MAST4: variants seen among roughly 807,000 people sequenced by gnomAD.
The protein encoded by MAST4 is microtubule associated serine/threonine kinase family member 4.
A neutral mutation model predicts 162.7 loss-of-function variants in MAST4; 89 were observed. That is an observed-to-expected ratio of 0.55 (90% confidence interval 0.46 to 0.65). The LOEUF (loss-of-function observed/expected upper bound fraction) is 0.65. Ranked by LOEUF, MAST4 falls within the 30% of genes least tolerant of loss-of-function variation. The pLI is 0.00. For missense variants in MAST4, 3,153 were observed against 3,374.0 expected (o/e 0.93, Z 1.62); for synonymous variants, 1,479 against 1,361.1 (o/e 1.09, Z -1.91).
Position 67,152,707 on chromosome 5 carries a change from A to ACGAGATTCCTCTCCCAGC in MAST4, c.3378_3395dup (p.Pro1127_Ser1132dup), listed in dbSNP as rs1315685136. 4 of 1,613,982 alleles carry ACGAGATTCCTCTCCCAGC rather than the reference A, an allele frequency of 2.5e-6. No homozygotes were observed. The highest frequency in any genetic ancestry group is 4.5e-5 in the East Asian group (2 of 44,876). ...CCCTGTCCTCGGACCCTTCTTCTTC[A>ACGAGATTCCTCTCCCAGC]CGAGATTCCTCTCCCAGCCGAGATT... On this transcript the variant is annotated inframe_insertion, in exon 25 of 29. Coordinates refer to ENST00000403625, the MANE Select transcript of MAST4 (RefSeq NM_001164664.2).
At chr5:66,675,781 G>A (rs1304629658) in intron 1 of MAST4, among the ~76,000 whole-genome samples, 2 of 152,128 alleles carry the variant, frequency 1.3e-5, no homozygotes, top group Non-Finnish European at 2.9e-5. Flanking sequence ...AAATTTAATA[G>A]GGAATAAATA....
intron 1 of MAST4, among the ~76,000 whole-genome samples, chr5:66,673,318 T>C (rs1747725710): frequency 2.0e-5 from 3 of 152,056 alleles, no homozygotes. Context: ...GTCATCAGTT[T>C]TATTGTTTTT....
chr5:66,606,740 A>G (rs1742909541), intron 1 of MAST4, among the ~76,000 whole-genome samples: 1 of 152,128 alleles, frequency 6.6e-6, no homozygotes, highest in Non-Finnish European at 1.5e-5. Context: ...ATCAACTCAA[A>G]TCTTGCAACA....
intron 3 of MAST4, among the ~76,000 whole-genome samples, chr5:66,848,869 G>A (rs1483956646): frequency 2.0e-5 from 3 of 152,144 alleles, no homozygotes; most frequent in African/African-American, 4.8e-5. Flanking sequence ...CACATGGCAC[G>A]AGCAGCTGGG....
chr5:66,822,747 TG>T (rs1757056762), intron 3 of MAST4, among the ~76,000 whole-genome samples: 1 of 152,208 alleles, frequency 6.6e-6, no homozygotes, highest in Non-Finnish European at 1.5e-5. Context: ...TGACAACTTA[TG>T]ATATGCTCAT....
intron 24 of MAST4, among the ~76,000 whole-genome samples, chr5:67,151,013 A>G (rs976401588): frequency 6.6e-6 from 1 of 152,164 alleles, no homozygotes; most frequent in African/African-American, 2.4e-5. Flanking sequence ...CTTCAGTAGC[A>G]CTGGGAACTT....
At chr5:66,665,300 A>C (rs1561247840) in intron 1 of MAST4, among the ~76,000 whole-genome samples, 2 of 152,064 alleles carry the variant, frequency 1.3e-5, no homozygotes, top group Non-Finnish European at 2.9e-5. Context: ...AACAAGAGAG[A>C]GTGGGGACAG....
intron 4 of MAST4, among the ~76,000 whole-genome samples, chr5:66,909,859 T>A (rs567499278): frequency 6.6e-6 from 1 of 152,172 alleles, no homozygotes. Flanking sequence ...TCTCACAAGA[T>A]CTAATGGTTT....
At chr5:67,134,330 G>A (rs567228714) in intron 17 of MAST4, among the ~76,000 whole-genome samples, 193 bp from the exon 18 acceptor site, 22 of 152,182 alleles carry the variant, frequency 1.4e-4, no homozygotes, top group Non-Finnish European at 2.4e-4. Context: ...TAAACTTCCC[G>A]TCTTTGGTAA....
At chr5:67,030,476 A>G (rs1014719716) in intron 4 of MAST4, among the ~76,000 whole-genome samples, 34 of 152,178 alleles carry the variant, frequency 2.2e-4, no homozygotes, top group African/African-American at 8.0e-4. Context: ...TGGCAAAAAT[A>G]GATCATCTGA....
chr5:67,049,023 G>GTGTATATATATACACGTA (rs1554087405), intron 4 of MAST4, among the ~76,000 whole-genome samples: 1,038 of 84,524 alleles, frequency 0.012, 8 homozygotes, highest in Non-Finnish European at 0.019. Context: ...ATATATATAC[G>GTGTATATATATACACGTA]TATATATATA....
intron 2 of MAST4, among the ~76,000 whole-genome samples, chr5:66,783,011 T>C (rs1219866324): frequency 6.6e-6 from 1 of 152,230 alleles, no homozygotes; most frequent in Non-Finnish European, 1.5e-5. Context: ...TCTGTTGTCC[T>C]CTTTTCTCTA....
intron 1 of MAST4, among the ~76,000 whole-genome samples, chr5:66,658,091 T>C (rs919897379): frequency 6.6e-6 from 1 of 152,224 alleles, no homozygotes; most frequent in African/African-American, 2.4e-5. Context: ...GTGCTGCCAC[T>C]TCAGGACCTG....
At chr5:67,004,953 C>T (rs763355046) in intron 4 of MAST4, 1 of 739,760 alleles carries the variant, frequency 1.4e-6, no homozygotes, top group Admixed American at 1.9e-5. Flanking sequence ...CCATTTTAGT[C>T]ATATGGCCTT....
intron 5 of MAST4, among the ~76,000 whole-genome samples, chr5:67,060,816 G>A (rs1412993593): frequency 6.6e-6 from 1 of 152,092 alleles, no homozygotes; most frequent in Non-Finnish European, 1.5e-5. Flanking sequence ...ACTGCCCCAG[G>A]ACTTTAACCT....
chr5:66,757,736 G>A (rs1753627890), intron 1 of MAST4, among the ~76,000 whole-genome samples: 1 of 152,112 alleles, frequency 6.6e-6, no homozygotes, highest in Non-Finnish European at 1.5e-5. Flanking sequence ...AGGTTAACTC[G>A]CCACTGAGAA....
chr5:66,634,887 C>T (rs534461479), intron 1 of MAST4, among the ~76,000 whole-genome samples: 3 of 152,340 alleles, frequency 2.0e-5, no homozygotes, highest in Admixed American at 2.0e-4. Context: ...CTGCTTCCTT[C>T]TCTTAGGACA....
chr5:67,000,572 C>T (rs985825717), intron 4 of MAST4, among the ~76,000 whole-genome samples: 12 of 152,080 alleles, frequency 7.9e-5, no homozygotes, highest in African/African-American at 2.9e-4. Flanking sequence ...ATGGTGAAAC[C>T]CCGTCCCTAC....
rs369346507 is a variant in MAST4 at position 67,053,464 on chromosome 5, G to A, written c.675-940G>A. ...CAGTGTAGGAGGATAGAAGCACAGA[G>A]CCCTGAGCCTTGTTATAGGTGAATT... On this transcript the variant is annotated intron_variant, in intron 4 of 28. Transcript: ENST00000403625. Among the ~76,000 whole-genome samples the A allele has an allele frequency of 2.2e-4, 33 of 152,272 alleles. No individual in the cohort carries two copies. The South Asian group carries it at 3.5e-3, about 16-fold the overall frequency.
Sources: allele counts gnomAD v4.1 joint callset (sites outside exome capture counted in the v4.1 genomes callset), GRCh38; gene constraint gnomAD v4.1.1; transcripts MANE v1.5; gene names NCBI Gene and HGNC (gene_info 2026-07-23, HGNC 2026-07-21).